Variants in PKD1L3 observed in about 807,000 individuals in gnomAD.
PKD1L3 encodes the protein polycystin 1 like 3, transient receptor potential channel interacting, also known as polycystin-1-like protein 3.
In PKD1L3, 239 loss-of-function variants were observed where a neutral mutation model predicts 184.1. That is an observed-to-expected ratio of 1.30 (90% CI 1.17 to 1.45). The LOEUF (loss-of-function observed/expected upper bound fraction) is 1.45. Among genes scored for constraint, PKD1L3 ranks in the 40% most tolerant of loss-of-function variants. The probability of loss-of-function intolerance (pLI) is 0.00; values close to 1 mark genes in which losing one functional copy is unlikely to be tolerated. For missense variants in PKD1L3, 2,660 were observed against 2,067.2 expected, an observed-to-expected ratio of 1.29 and a Z score of -5.56; for synonymous variants, 996 against 778.8, an observed-to-expected ratio of 1.28 and a Z score of -4.64.
At chr16:71,937,443 G>C in intron 24 of PKD1L3, 24 bp from the exon 25 acceptor site, 2 of 1,545,664 alleles carry the variant, frequency 1.3e-6, no homozygotes, top group South Asian at 1.2e-5. Context: ...AGAACACCTG[G>C]AGTCAAGAGT....
chr16:71,948,564 C>G (rs1040203019), intron 21 of PKD1L3, among the ~76,000 whole-genome samples: 1 of 152,144 alleles, frequency 6.6e-6, no homozygotes, highest in Non-Finnish European at 1.5e-5. Context: ...TGAAACCTCT[C>G]TAGCAAAAGG....
rs375182382 is a variant in PKD1L3 at position 71,942,608 on chromosome 16, C to T, written c.4276G>A (p.Glu1426Lys). 6.0e-5 allele frequency: 93 copies of T among 1,551,676 alleles called. 1 individual carries two copies. The highest frequency in any genetic ancestry group is 2.9e-4 in the Admixed American group (15 of 50,996). ...TTCTCATTCTTGCTTGTCAGCCTTT[C>T]GTGAAGCTCATCAGTGGGAATCAGC... The part of the protein sequence containing the change: ...MVLIPTDELH[E>K]RLTSKNENGF... Residue 1426 changes from glutamate (E) to lysine (K), a missense_variant, in exon 24 of 30, where the codon GAA becomes AAA. By Grantham distance (56) the Glu-to-Lys change is moderately conservative. Transcript: ENST00000620267.
intron 25 of PKD1L3, among the ~76,000 whole-genome samples, chr16:71,936,707 G>A (rs1407545793): frequency 1.3e-5 from 2 of 151,772 alleles, no homozygotes; most frequent in East Asian, 1.9e-4. Flanking sequence ...GGCTGGTCTC[G>A]AACTCCCTCA....
intron 25 of PKD1L3, among the ~76,000 whole-genome samples, chr16:71,936,855 T>C (rs1597280120): frequency 6.6e-6 from 1 of 152,182 alleles, no homozygotes; most frequent in East Asian, 1.9e-4. Context: ...ACTACAAAAG[T>C]ACTATTTCTA....
intron 15 of PKD1L3, among the ~76,000 whole-genome samples, chr16:71,966,504 G>A (rs2039507096): frequency 1.3e-5 from 2 of 148,972 alleles, no homozygotes; most frequent in Admixed American, 6.8e-5. Context: ...CATGCTCACT[G>A]CAGCTTCAAC....
intron 13 of PKD1L3, among the ~76,000 whole-genome samples, chr16:71,968,906 A>C (rs369752440): frequency 7.1e-6 from 1 of 140,672 alleles, no homozygotes; most frequent in Non-Finnish European, 1.5e-5. Flanking sequence ...AGTTACATTA[A>C]GTTACAATTT....
chr16:71,973,662 A>T (rs1026553186), intron 11 of PKD1L3, 145 bp from the exon 12 acceptor site: 4 of 812,966 alleles, frequency 4.9e-6, no homozygotes, highest in Admixed American at 2.9e-5. Context: ...GAAAATGACC[A>T]GTGATACAAC....
rs971660348 is a variant in PKD1L3, at chr16:71,999,830, T to G, written c.149A>C (p.Tyr50Ser). The G allele has an allele frequency of 1.9e-5, 29 of 1,551,664 alleles. No individual in the cohort carries two copies. Among genetic ancestry groups the G allele is most frequent in the Middle Eastern group, 1.7e-4 (1 of 6,014 alleles). ...FQCSFEEAQH[Y>S]CHVQRGFLAH... Reference sequence around the variant, plus strand: ...TAGGAATCCTCTCTGCACATGACAGTAATGCTGTGCTTCCTCAAAGCTGCA... The same window carrying G: ...TAGGAATCCTCTCTGCACATGACAGGAATGCTGTGCTTCCTCAAAGCTGCA... The change falls in exon 1 of 30, where the codon TAC (tyrosine) becomes TCC (serine). Residue 50 changes from tyrosine (Y) to serine (S), a missense_variant. Physicochemically the swap from Tyr to Ser is moderately radical, Grantham distance 144. Coordinates refer to ENST00000620267, the MANE Select transcript of PKD1L3 (RefSeq NM_181536.2).
chr16:71,977,557 G>GGCCTTC, intron 10 of PKD1L3, 90 bp from the exon 11 acceptor site: 1 of 671,622 alleles, frequency 1.5e-6, no homozygotes. Flanking sequence ...AAACGTCCTA[G>GGCCTTC]CTCTTTTTTT....
rs999444843 is a variant in PKD1L3, at chr16:71,978,294, A to G, written c.1488T>C (p.Arg496=). Residue 496 remains arginine, a synonymous_variant, in exon 10 of 30, where the codon CGT becomes CGC. Transcript: ENST00000620267. The stretch of plus-strand genomic sequence containing the variant: ...TTAAATCATGGACTTGGAGCAATTT[A>G]CGATTAGCGCTTAGTAACACACTTC... The part of the protein sequence containing the change: ...SIGSVLLSAN[R]KLLQVHDLME... 24 of 1,550,390 alleles carry G rather than the reference A, an allele frequency of 1.5e-5. No individual in the cohort carries two copies. Among genetic ancestry groups the G allele is most frequent in the Non-Finnish European group, 2.0e-5 (23 of 1,146,308 alleles).
chr16:71,977,608 G>T (rs1016380501), intron 10 of PKD1L3, 141 bp from the exon 11 acceptor site: 2 of 643,024 alleles, frequency 3.1e-6, no homozygotes, highest in African/African-American at 4.0e-5. Context: ...TGTTGGCCAC[G>T]TTGGTCTTGA....
intron 16 of PKD1L3, among the ~76,000 whole-genome samples, chr16:71,958,504 A>G (rs1442678070): frequency 1.3e-5 from 2 of 150,420 alleles, no homozygotes; most frequent in East Asian, 4.0e-4. Context: ...AACTGGCTGG[A>G]CGTGGTAGCT....
intron 28 of PKD1L3, 63 bp downstream of exon 28, chr16:71,933,357 A>AC (rs770322675): frequency 4.1e-5 from 51 of 1,250,968 alleles, no homozygotes; most frequent in East Asian, 3.5e-4. Context: ...TTTCATAAGG[A>AC]CCCCCCCAAT....
chr16:71,963,456 T>C, intron 15 of PKD1L3, 105 bp from the exon 16 acceptor site: 1 of 1,189,714 alleles, frequency 8.4e-7, no homozygotes, highest in South Asian at 2.0e-5. Context: ...GTAAATGAAC[T>C]GTTTCATTGC....
At chr16:71,976,877 G>T (rs1412001495) in intron 11 of PKD1L3, among the ~76,000 whole-genome samples, 2 of 152,050 alleles carry the variant, frequency 1.3e-5, no homozygotes, top group East Asian at 3.9e-4. Context: ...CAAATAGCTG[G>T]GACTACAGGC....
chr16:71,931,406 ATTT>A (rs2037958303), intron 28 of PKD1L3, among the ~76,000 whole-genome samples: 1 of 137,098 alleles, frequency 7.3e-6, no homozygotes, highest in African/African-American at 2.8e-5. Flanking sequence ...TAAGTCCCTT[ATTT>A]TTATTTTTTA....
At chr16:71,973,826 A>AC (rs1451063769) in intron 11 of PKD1L3, among the ~76,000 whole-genome samples, 1 of 151,868 alleles carries the variant, frequency 6.6e-6, no homozygotes, top group Non-Finnish European at 1.5e-5. Context: ...ACATGGTGAA[A>AC]CCCCATCTCT....
At chr16:71,929,744 A>C in intron 29 of PKD1L3, 66 bp from the exon 30 acceptor site, 1 of 1,371,328 alleles carries the variant, frequency 7.3e-7, no homozygotes, top group Non-Finnish European at 9.8e-7. Context: ...TGGAGTAAAA[A>C]AAGTACCAAA....
intron 12 of PKD1L3, among the ~76,000 whole-genome samples, chr16:71,972,890 G>T (rs2039772012): frequency 6.6e-6 from 1 of 152,156 alleles, no homozygotes; most frequent in South Asian, 2.1e-4. Context: ...CCAGGAACAA[G>T]GTGATAATTA....
Sources: gnomAD v4.1 joint callset for allele counts (sites outside exome capture counted in the v4.1 genomes callset) on GRCh38, gnomAD v4.1.1 for gene constraint, MANE v1.5 for transcripts, NCBI Gene and HGNC (gene_info 2026-07-23, HGNC 2026-07-21) for gene names.